TMEM117: variants seen among roughly 807,000 people sequenced by gnomAD.
TMEM117 encodes the protein transmembrane protein 117.
TMEM117 carries 27 observed loss-of-function variants against 52.4 expected under a neutral mutation model. That is an observed-to-expected ratio of 0.51 (90% CI 0.38 to 0.71). The LOEUF is 0.71. Ranked by LOEUF, TMEM117 falls within the 30% of genes least tolerant of loss-of-function variation. The pLI is 0.00. For missense variants in TMEM117, 556 were observed against 630.5 expected, an observed-to-expected ratio of 0.88 and a Z score of 1.26; for synonymous variants, 215 against 206.3, an observed-to-expected ratio of 1.04 and a Z score of -0.36.
At chr12:43,808,207 CTTCT>C in the TMEM117 span, among the ~76,000 whole-genome samples, 1 of 152,220 alleles carries the variant, frequency 6.6e-6, no homozygotes, top group African/African-American at 2.4e-5. Context: ...CTGCTTTTCT[CTTCT>C]TTTTCTCCAA....
intron 4 of TMEM117, among the ~76,000 whole-genome samples, chr12:44,152,790 T>C (rs1330185582): frequency 7.0e-6 from 1 of 142,546 alleles, no homozygotes. Flanking sequence ...TGGTGTCACA[T>C]AAATATATAT....
At chr12:44,030,709 C>T (rs1192220079) in intron 3 of TMEM117, among the ~76,000 whole-genome samples, 2 of 152,158 alleles carry the variant, frequency 1.3e-5, no homozygotes, top group African/African-American at 2.4e-5. Context: ...TTATATCCTA[C>T]TGCTCAAGGT....
chr12:44,062,582 T>G (rs1947156418), intron 3 of TMEM117, among the ~76,000 whole-genome samples: 1 of 152,216 alleles, frequency 6.6e-6, no homozygotes, highest in Non-Finnish European at 1.5e-5. Context: ...ATGGCATTTC[T>G]CTACCCTTTG....
At chr12:44,266,356 T>G (rs1182740903) in intron 5 of TMEM117, among the ~76,000 whole-genome samples, 2 of 152,150 alleles carry the variant, frequency 1.3e-5, no homozygotes, top group Non-Finnish European at 2.9e-5. Flanking sequence ...TCATTTTGAT[T>G]TGCATTTTCC....
intron 2 of TMEM117, among the ~76,000 whole-genome samples, chr12:43,894,656 C>T (rs1944167659): frequency 6.6e-6 from 1 of 151,900 alleles, no homozygotes; most frequent in Admixed American, 6.6e-5. Flanking sequence ...ATTTGGTTTT[C>T]TGTTCCTGCA....
intron 2 of TMEM117, among the ~76,000 whole-genome samples, chr12:43,917,542 G>T (rs1471678956): frequency 6.6e-6 from 1 of 152,170 alleles, no homozygotes; most frequent in Non-Finnish European, 1.5e-5. Context: ...CCAGTGGGCA[G>T]TGGCAAAACC....
intron 3 of TMEM117, among the ~76,000 whole-genome samples, chr12:44,083,198 A>G (rs1389550702): frequency 6.6e-6 from 1 of 152,128 alleles, no homozygotes; most frequent in Non-Finnish European, 1.5e-5. Flanking sequence ...TGAAGAGCAG[A>G]GTTGCAAGAC....
chr12:43,894,372 AT>A (rs757864220), intron 2 of TMEM117, among the ~76,000 whole-genome samples: 22 of 151,424 alleles, frequency 1.5e-4, no homozygotes, highest in Admixed American at 6.6e-5. Context: ...CACATTACAG[AT>A]TTTCTTTTTC....
At chr12:44,120,954 G>A (rs1206028038) in intron 3 of TMEM117, among the ~76,000 whole-genome samples, 1 of 152,114 alleles carries the variant, frequency 6.6e-6, no homozygotes, top group Non-Finnish European at 1.5e-5. Flanking sequence ...CCCAAGACTG[G>A]GCAATTTACA....
chr12:43,847,702 G>A (rs893099544), intron 2 of TMEM117, among the ~76,000 whole-genome samples: 4 of 152,180 alleles, frequency 2.6e-5, no homozygotes, highest in Non-Finnish European at 5.9e-5. Flanking sequence ...CAGGCTTGCT[G>A]TATTGGAAAC....
intron 6 of TMEM117, among the ~76,000 whole-genome samples, chr12:44,359,208 CAA>C (rs532813158): frequency 3.2e-5 from 4 of 124,774 alleles, no homozygotes; most frequent in Admixed American, 8.1e-5. Context: ...AGATTTAAGG[CAA>C]AAAAAAAAAG....
At chr12:43,874,779 C>T (rs761812440) in intron 2 of TMEM117, among the ~76,000 whole-genome samples, 4 of 152,088 alleles carry the variant, frequency 2.6e-5, no homozygotes, top group Non-Finnish European at 5.9e-5. Flanking sequence ...ATGAGTACTC[C>T]GTTTGTATCA....
At chr12:43,930,133 C>T (rs546812453) in intron 2 of TMEM117, among the ~76,000 whole-genome samples, 9 of 152,272 alleles carry the variant, frequency 5.9e-5, no homozygotes, top group African/African-American at 2.2e-4. Context: ...TCATATATCA[C>T]ATCCTAAAGC....
At chr12:44,204,718 G>T (rs1163233797) in intron 4 of TMEM117, among the ~76,000 whole-genome samples, 1 of 152,068 alleles carries the variant, frequency 6.6e-6, no homozygotes, top group Non-Finnish European at 1.5e-5. Context: ...GAGACCAGTG[G>T]AACAGGTTAG....
chr12:43,877,890 A>AACACACACAC lies in TMEM117; in HGVS notation c.277+32992_277+33001dup, dbSNP rs369405497. 1.8e-3 allele frequency among the ~76,000 whole-genome samples: 262 copies of AACACACACAC among 143,100 alleles called. 2 individuals carry two copies. Among genetic ancestry groups the AACACACACAC allele is most frequent in the Middle Eastern group, 3.5e-3 (1 of 288 alleles). 93.9% of individuals were successfully genotyped at this position (143,100 alleles called of 152,430 possible). ...TATGGTTCTTTTTTTGTAAAAACAA[A>AACACACACAC]ACACACACACACACACACACACACA... On this transcript the variant is annotated intron_variant, in intron 2 of 7. Transcript: ENST00000266534.
the TMEM117 span, chr12:43,799,349 T>G: frequency 8.2e-7 from 1 of 1,221,704 alleles, no homozygotes; most frequent in Non-Finnish European, 1.2e-6. Context: ...AAAAATACAG[T>G]ATTTTCAAAC....
chr12:44,214,420 G>C (rs1033376908), intron 5 of TMEM117, among the ~76,000 whole-genome samples: 4 of 151,804 alleles, frequency 2.6e-5, no homozygotes, highest in African/African-American at 9.7e-5. Flanking sequence ...CACCCACCTT[G>C]GGCTCCCAAA....
At chr12:43,908,786 A>G in intron 2 of TMEM117, among the ~76,000 whole-genome samples, 1 of 151,862 alleles carries the variant, frequency 6.6e-6, no homozygotes, top group East Asian at 2.0e-4. Flanking sequence ...CAATTCAACA[A>G]GAAGAGCTAA....
chr12:44,305,265 G>T (rs1565693890), intron 6 of TMEM117, among the ~76,000 whole-genome samples: 2 of 151,676 alleles, frequency 1.3e-5, no homozygotes. Context: ...TATGACTTAA[G>T]TCCCCAAAAG....
Sources: gnomAD v4.1 joint callset for allele counts (sites outside exome capture counted in the v4.1 genomes callset) on GRCh38, gnomAD v4.1.1 for gene constraint, MANE v1.5 for transcripts, NCBI Gene and HGNC (gene_info 2026-07-23, HGNC 2026-07-21) for gene names.